Variants in DNAH11 observed in about 807,000 individuals in gnomAD.
DNAH11 encodes the protein dynein axonemal heavy chain 11, also known as axonemal beta dynein heavy chain 11.
A neutral mutation model predicts 526.0 loss-of-function variants in DNAH11; 442 were observed. That is an observed-to-expected ratio of 0.84 (90% CI 0.78 to 0.91). The LOEUF (loss-of-function observed/expected upper bound fraction) is 0.91. Among genes scored for constraint, DNAH11 ranks in the 40% least tolerant of loss-of-function variants. The pLI, the probability that DNAH11 is intolerant of heterozygous loss-of-function variation, is 0.00. For synonymous variants in DNAH11, 2,461 were observed against 1,935.9 expected (o/e 1.27, Z -7.12); for missense variants, 6,989 against 5,448.7 (o/e 1.28, Z -8.90).
chr7:21,544,001 A>C (rs1447526031), intron 1 of DNAH11, among the ~76,000 whole-genome samples: 1 of 152,164 alleles, frequency 6.6e-6, no homozygotes, highest in Non-Finnish European at 1.5e-5. Context: ...GAGCGCATGT[A>C]ACTCGTCACG....
chr7:21,719,953 T>C (rs1452555295), intron 43 of DNAH11, among the ~76,000 whole-genome samples: 3 of 152,222 alleles, frequency 2.0e-5, no homozygotes, highest in Non-Finnish European at 4.4e-5. Context: ...TGGTTATTAT[T>C]TCACATGGTG....
chr7:21,797,126 CAATATTAAGAGTCCCTCAGAA>C (rs1434082688), intron 61 of DNAH11, among the ~76,000 whole-genome samples: 1 of 151,664 alleles, frequency 6.6e-6, no homozygotes, highest in Non-Finnish European at 1.5e-5. Flanking sequence ...AAGGTACAAA[CAATATTAAGAGTCCCTCAGAA>C]AATATTTTGG....
In DNAH11 at chr7:21,570,252, G is replaced by C; in HGVS notation, c.1378G>C (p.Val460Leu). 6.2e-7 allele frequency: 1 copy of C among 1,611,632 alleles called. No homozygotes were observed. Among genetic ancestry groups the C allele is most frequent in the Non-Finnish European group, 8.5e-7 (1 of 1,179,342 alleles). Reference protein sequence around the residue: ...LRPWDFQSHLVFCRFDKFLDR... With the variant: ...LRPWDFQSHLLFCRFDKFLDR... ...ACCATGGGATTTCCAGTCTCATCTG[G>C]TGTTTTGCAGATTTGACAAGTTTCT... is the stretch of plus-strand genomic sequence containing the variant. Residue 460 changes from valine to leucine, a missense_variant, in exon 7 of 82, where the codon GTG becomes CTG. Val to Leu is a conservative substitution (Grantham distance 32). Transcript: ENST00000409508.
intron 18 of DNAH11, among the ~76,000 whole-genome samples, chr7:21,604,925 A>G (rs1785225818): frequency 6.6e-6 from 1 of 152,166 alleles, no homozygotes; most frequent in African/African-American, 2.4e-5. Context: ...AGAGGGAAGG[A>G]CAAAGGGGTT....
intron 78 of DNAH11, 24 bp downstream of exon 78, chr7:21,894,829 T>G: frequency 6.2e-7 from 1 of 1,610,908 alleles, no homozygotes; most frequent in African/African-American, 1.3e-5. Flanking sequence ...GAGGCTATAG[T>G]AGACTTCAGC....
chr7:21,829,397 A>G (rs1444303438), intron 65 of DNAH11, among the ~76,000 whole-genome samples: 1 of 152,202 alleles, frequency 6.6e-6, no homozygotes, highest in Non-Finnish European at 1.5e-5. Context: ...GAGAACCTTC[A>G]ATATAATAAT....
At chr7:21,622,314 A>T (rs1455385466) in intron 25 of DNAH11, among the ~76,000 whole-genome samples, 1 of 152,198 alleles carries the variant, frequency 6.6e-6, no homozygotes, top group Non-Finnish European at 1.5e-5. Context: ...TCAATGAAAT[A>T]AAAGAGGATA....
chr7:21,864,804 T>A, intron 70 of DNAH11, 147 bp downstream of exon 70: 1 of 766,492 alleles, frequency 1.3e-6, no homozygotes, highest in Non-Finnish European at 1.8e-6. Flanking sequence ...GTGATGTTAT[T>A]AATCTTTGTA....
chr7:21,884,332 G>A lies in DNAH11; in HGVS notation c.12429G>A (p.Met4143Ile), dbSNP rs757704381. The change falls in exon 76 of 82, where the codon ATG (methionine) becomes ATA (isoleucine). Residue 4143 changes from methionine to isoleucine, a missense_variant. Transcript: ENST00000409508. ...TCCGTTATCTCTTTGGTGAGATCATGTATGGAGGCCACATCACAGATGACT... is the reference window on the plus strand; with the variant it reads ...TCCGTTATCTCTTTGGTGAGATCATATATGGAGGCCACATCACAGATGACT... ...EDLRYLFGEI[M>I]YGGHITDDWD... 2.5e-5 allele frequency: 41 copies of A among 1,613,014 alleles called. No individual in the cohort carries two copies. The highest frequency in any genetic ancestry group is 3.2e-5 in the Non-Finnish European group (38 of 1,179,464).
chr7:21,797,629 G>A (rs1263459651), intron 61 of DNAH11, among the ~76,000 whole-genome samples: 1 of 152,216 alleles, frequency 6.6e-6, no homozygotes, highest in African/African-American at 2.4e-5. Flanking sequence ...ACATAAAACA[G>A]TCAGTGTAAG....
chr7:21,603,099 T>C (rs1419260465), intron 18 of DNAH11, among the ~76,000 whole-genome samples: 1 of 152,162 alleles, frequency 6.6e-6, no homozygotes, highest in East Asian at 1.9e-4. Context: ...TCCCAATCTA[T>C]TTCTGCCTTT....
chr7:21,891,244 C>T (rs1784315966), intron 76 of DNAH11, among the ~76,000 whole-genome samples: 1 of 152,106 alleles, frequency 6.6e-6, no homozygotes, highest in East Asian at 1.9e-4. Context: ...GTGAGGGGAC[C>T]ACAGTGTAGC....
At chr7:21,565,781 T>C (rs2128434087) in intron 6 of DNAH11, among the ~76,000 whole-genome samples, 1 of 152,268 alleles carries the variant, frequency 6.6e-6, no homozygotes, top group South Asian at 2.1e-4. Context: ...GCTCGGTGTT[T>C]AATCGAGGCT....
chr7:21,776,180 C>G (rs1286236062), intron 56 of DNAH11, among the ~76,000 whole-genome samples: 2 of 152,184 alleles, frequency 1.3e-5, no homozygotes, highest in African/African-American at 4.8e-5. Context: ...GGTCTCTTTA[C>G]TTCCCCTTAG....
At chr7:21,665,735 T>G (rs1782397435) in intron 30 of DNAH11, among the ~76,000 whole-genome samples, 1 of 152,112 alleles carries the variant, frequency 6.6e-6, no homozygotes, top group African/African-American at 2.4e-5. Flanking sequence ...AAGAAAGCAT[T>G]TATCCACATA....
intron 79 of DNAH11, among the ~76,000 whole-genome samples, chr7:21,896,741 A>C (rs979234893): frequency 5.9e-5 from 9 of 152,066 alleles, no homozygotes; most frequent in African/African-American, 1.7e-4. Context: ...TATATCTTCA[A>C]CTGTCTCCAA....
At chr7:21,643,828 C>T (rs1432919043) in intron 28 of DNAH11, among the ~76,000 whole-genome samples, 1 of 152,046 alleles carries the variant, frequency 6.6e-6, no homozygotes, top group Non-Finnish European at 1.5e-5. Context: ...CAAAAGATCT[C>T]ACTTTTTATA....
chr7:21,878,600 T>TA (rs1783802415), intron 74 of DNAH11, among the ~76,000 whole-genome samples: 1 of 152,192 alleles, frequency 6.6e-6, no homozygotes, highest in South Asian at 2.1e-4. Flanking sequence ...CCAAGCCCCA[T>TA]AAATGACCTA....
intron 54 of DNAH11, among the ~76,000 whole-genome samples, chr7:21,750,923 T>C (rs1261461897): frequency 6.6e-6 from 1 of 152,010 alleles, no homozygotes; most frequent in Admixed American, 6.6e-5. Flanking sequence ...GAAAAGTAAA[T>C]TGGAAGAGAT....
Sources: allele counts gnomAD v4.1 joint callset (sites outside exome capture counted in the v4.1 genomes callset), GRCh38; gene constraint gnomAD v4.1.1; transcripts MANE v1.5; gene names NCBI Gene and HGNC (gene_info 2026-07-23, HGNC 2026-07-21).